BCLAF1: variants seen among roughly 807,000 people sequenced by gnomAD.
The protein encoded by BCLAF1 is BCL2 associated transcription factor 1.
BCLAF1 carries 10 observed loss-of-function variants against 99.5 expected under a neutral mutation model. The observed-to-expected ratio is 0.10, with a 90% CI of 0.06 to 0.17. The LOEUF (loss-of-function observed/expected upper bound fraction) is 0.17. BCLAF1 is among the 10% of genes least tolerant of loss of function. The probability of loss-of-function intolerance (pLI) is 1.00; values close to 1 mark genes in which losing one functional copy is unlikely to be tolerated. For synonymous variants in BCLAF1, 255 were observed against 370.9 expected (o/e 0.69, Z 3.59); for missense variants, 636 against 1,105.8 (o/e 0.58, Z 6.02).
chr6:136,282,030 C>T (rs1206138888), intron 2 of BCLAF1, among the ~76,000 whole-genome samples: 2 of 152,128 alleles, frequency 1.3e-5, no homozygotes, highest in Non-Finnish European at 2.9e-5. Flanking sequence ...ATATCTTCTG[C>T]TCTACTGCAA....
chr6:136,265,733 A>C (rs1781626768), intron 11 of BCLAF1, among the ~76,000 whole-genome samples: 1 of 152,138 alleles, frequency 6.6e-6, no homozygotes, highest in Non-Finnish European at 1.5e-5. Context: ...AGTCTCTCCT[A>C]ATCACTGTCT....
At chr6:136,272,458 T>C (rs1782669011) in intron 7 of BCLAF1, among the ~76,000 whole-genome samples, 1 of 151,946 alleles carries the variant, frequency 6.6e-6, no homozygotes, top group Admixed American at 6.6e-5. Context: ...CCTTTAGTTT[T>C]ATTCTGCACC....
Position 136,276,207 on chromosome 6 carries a change from A to T in BCLAF1, c.1318T>A (p.Ser440Thr), listed in dbSNP as rs1318429955. 6.2e-7 allele frequency: 1 copy of T among 1,608,588 alleles called. No individual in the cohort carries two copies. ...NTEEEGLKYKSKVSLKGNRES... is the reference protein window; with the variant it reads ...NTEEEGLKYKTKVSLKGNRES... ...CTATTGCCTTTCAGTGAAACTTTGG[A>T]CTTGTACTTGAGTCCTTCCTCCTCA... The change falls in exon 5 of 13, where the codon TCC (serine) becomes ACC (threonine). Residue 440 changes from serine to threonine, a missense_variant. Ser to Thr is a moderately conservative substitution (Grantham distance 58, BLOSUM62 1). Coordinates refer to ENST00000531224, the MANE Select transcript of BCLAF1 (RefSeq NM_014739.3).
At chr6:136,263,292 G>A (rs1473554288) in intron 11 of BCLAF1, among the ~76,000 whole-genome samples, 1 of 152,074 alleles carries the variant, frequency 6.6e-6, no homozygotes, top group Non-Finnish European at 1.5e-5. Flanking sequence ...ACACCAGGTA[G>A]CTAAGAGTTA....
At chr6:136,271,877 G>C in intron 8 of BCLAF1, 118 bp downstream of exon 8, 1 of 713,552 alleles carries the variant, frequency 1.4e-6, no homozygotes, top group Non-Finnish European at 2.4e-6. Context: ...CCATAATATA[G>C]TTATGAATTA....
intron 6 of BCLAF1, among the ~76,000 whole-genome samples, chr6:136,275,115 G>C (rs1488461048): frequency 2.6e-5 from 4 of 152,054 alleles, no homozygotes; most frequent in African/African-American, 9.6e-5. Flanking sequence ...GAAATTCTTA[G>C]AAATATTCAA....
Position 136,259,493 on chromosome 6 carries a change from C to T in BCLAF1, c.*1617G>A, listed in dbSNP as rs552383502. 6.6e-6 allele frequency: 1 copy of T among 152,136 alleles called. No individual in the cohort carries two copies. Among genetic ancestry groups the T allele is most frequent in the East Asian group, 1.9e-4 (1 of 5,186 alleles). 9.4% of individuals were successfully genotyped at this position (152,136 alleles called of 1,614,324 possible). A position where few individuals can be genotyped will look rare whatever the true frequency, so the allele number is the denominator to read the frequency against. ...TGAACAGGAGAATATTAGTTATGCC[C>T]TGATTAATGCAATACATACTTCCTT... On this transcript the variant is annotated 3_prime_UTR_variant, in exon 13 of 13. Transcript: ENST00000531224.
intron 1 of BCLAF1, among the ~76,000 whole-genome samples, chr6:136,284,126 G>GTATATATATATATATATA (rs1212310238): frequency 1.3e-5 from 1 of 76,158 alleles, no homozygotes; most frequent in African/African-American, 8.3e-5. Context: ...ATGTGTGTGT[G>GTATATATATATATATATA]TGTGTATATA....
intron 1 of BCLAF1, among the ~76,000 whole-genome samples, chr6:136,289,180 G>A (rs905864455): frequency 4.6e-5 from 7 of 152,234 alleles, no homozygotes; most frequent in Non-Finnish European, 7.3e-5. Flanking sequence ...AAGACCACGC[G>A]AAAAGGGGTA....
chr6:136,281,822 CTTGTG>C (rs1784415304), intron 2 of BCLAF1, among the ~76,000 whole-genome samples: 1 of 152,152 alleles, frequency 6.6e-6, no homozygotes. Context: ...TGTAGCTGGG[CTTGTG>C]GCACACGAGC....
chr6:136,271,933 T>C (rs1227870445), intron 8 of BCLAF1, 62 bp downstream of exon 8: 7 of 1,202,860 alleles, frequency 5.8e-6, no homozygotes, highest in Non-Finnish European at 8.5e-6. Flanking sequence ...AAACTATATT[T>C]GGTACAATAT....
At chr6:136,288,365 C>A (rs1312931910) in intron 1 of BCLAF1, among the ~76,000 whole-genome samples, 2 of 152,200 alleles carry the variant, frequency 1.3e-5, no homozygotes, top group South Asian at 4.1e-4. Flanking sequence ...CACTTTTTCC[C>A]TCCCATCAAA....
intron 9 of BCLAF1, 188 bp downstream of exon 9, chr6:136,269,249 C>T: frequency 6.7e-7 from 1 of 1,498,234 alleles, no homozygotes; most frequent in Non-Finnish European, 8.9e-7. Flanking sequence ...GCTTGCTATT[C>T]CAAAGTTTTT....
chr6:136,273,974 C>T, intron 6 of BCLAF1: 2 of 1,213,342 alleles, frequency 1.6e-6, no homozygotes, highest in Non-Finnish European at 2.1e-6. Context: ...GCCCAATATC[C>T]AGCACATGTC....
At chr6:136,284,157 T>TATAC (rs1784798003) in intron 1 of BCLAF1, among the ~76,000 whole-genome samples, 1 of 134,936 alleles carries the variant, frequency 7.4e-6, no homozygotes, top group Admixed American at 7.7e-5. Flanking sequence ...TATATATATA[T>TATAC]ATCCAGAGAA....
At chr6:136,289,297 A>C (rs1477026980) in intron 1 of BCLAF1, among the ~76,000 whole-genome samples, 1 of 152,212 alleles carries the variant, frequency 6.6e-6, no homozygotes. Flanking sequence ...CACAAGTTGC[A>C]CCTCCAGCGG....
intron 6 of BCLAF1, among the ~76,000 whole-genome samples, chr6:136,274,757 C>G (rs1029705819): frequency 1.3e-5 from 2 of 151,704 alleles, no homozygotes; most frequent in African/African-American, 4.8e-5. Context: ...ACAACAAAAA[C>G]AAAACTTAAC....
intron 1 of BCLAF1, among the ~76,000 whole-genome samples, chr6:136,286,825 G>A (rs763021953): frequency 1.3e-5 from 2 of 152,144 alleles, no homozygotes; most frequent in African/African-American, 4.8e-5. Flanking sequence ...AAAATTAGAC[G>A]GGCGTGGTGG....
At chr6:136,272,145 G>A (rs922287486) in intron 7 of BCLAF1, 66 bp from the exon 8 acceptor site, 19 of 1,116,300 alleles carry the variant, frequency 1.7e-5, no homozygotes, top group African/African-American at 9.6e-5. Flanking sequence ...ACATCCACAC[G>A]ATTATCCATT....
Sources: allele counts gnomAD v4.1 joint callset (sites outside exome capture counted in the v4.1 genomes callset), GRCh38; gene constraint gnomAD v4.1.1; transcripts MANE v1.5; gene names NCBI Gene and HGNC (gene_info 2026-07-23, HGNC 2026-07-21).